The following POU6F2 variants were observed in gnomAD, a reference collection of about 807,000 sequenced individuals.
The protein encoded by POU6F2 is POU class 6 homeobox 2, also known as POU domain, class 6, transcription factor 2.
In POU6F2, 31 loss-of-function variants were observed where a neutral mutation model predicts 71.3. The observed-to-expected ratio is 0.43, with a 90% CI of 0.33 to 0.59. The LOEUF (loss-of-function observed/expected upper bound fraction) is 0.59, where lower values mean the gene tolerates loss of function less well. Among genes scored for constraint, POU6F2 ranks in the 20% least tolerant of loss-of-function variants. The probability of loss-of-function intolerance (pLI) is 0.04; values close to 1 mark genes in which losing one functional copy is unlikely to be tolerated. For synonymous variants in POU6F2, 347 were observed against 355.7 expected (o/e 0.98, Z 0.27); for missense variants, 783 against 856.8 (o/e 0.91, Z 1.07).
chr7:39,233,983 A>G (rs146987430), intron 4 of POU6F2, among the ~76,000 whole-genome samples: 211 of 152,202 alleles, frequency 1.4e-3, no homozygotes, highest in African/African-American at 4.5e-3. Flanking sequence ...TCTGCTACCA[A>G]TAGTCATGTG....
intron 4 of POU6F2, among the ~76,000 whole-genome samples, chr7:39,279,644 C>G (rs1423012485): frequency 1.3e-5 from 2 of 152,204 alleles, no homozygotes; most frequent in Non-Finnish European, 2.9e-5. Context: ...GGTTTGCCAG[C>G]AATCTTTGGC....
In POU6F2 at chr7:39,324,230, G is replaced by A. The variant is rs143789725; in HGVS notation, c.599-15412G>A. On this transcript the variant is annotated intron_variant, in intron 4 of 9. Transcript: ENST00000518318. ...ATATGGAAACCATCTGAGGGGCAGA[G>A]TGAGACCTTTGTGGAGGTCACTAAT... is the stretch of plus-strand genomic sequence containing the variant. Among the ~76,000 whole-genome samples the A allele has an allele frequency of 1.8e-3, 272 of 152,302 alleles. 2 individuals carry two copies. Among genetic ancestry groups the A allele is most frequent in the African/African-American group, 5.7e-3 (236 of 41,556 alleles).
At chr7:39,163,963 G>A (rs939555539) in intron 2 of POU6F2, among the ~76,000 whole-genome samples, 5 of 152,158 alleles carry the variant, frequency 3.3e-5, no homozygotes, top group African/African-American at 1.2e-4. Context: ...AAGGGGAGAT[G>A]TTGTTCAAAG....
intron 1 of POU6F2, among the ~76,000 whole-genome samples, chr7:39,050,808 C>A (rs553748903): frequency 6.5e-4 from 99 of 152,220 alleles, no homozygotes; most frequent in African/African-American, 2.2e-3. Flanking sequence ...GCAGCCCAGG[C>A]AAAAATGCCA....
intron 6 of POU6F2, among the ~76,000 whole-genome samples, chr7:39,422,107 A>G (rs940943641): frequency 1.3e-5 from 2 of 152,252 alleles, no homozygotes; most frequent in Non-Finnish European, 2.9e-5. Context: ...AAAAGAAACC[A>G]TAGTTTAATT....
intron 8 of POU6F2, among the ~76,000 whole-genome samples, chr7:39,456,413 T>C (rs1788807092): frequency 6.6e-6 from 1 of 152,168 alleles, no homozygotes; most frequent in Non-Finnish European, 1.5e-5. Context: ...TATATATTCC[T>C]TAAGGAAGGG....
chr7:39,373,499 T>C (rs772881378), intron 5 of POU6F2: 15 of 456,554 alleles, frequency 3.3e-5, no homozygotes, highest in Non-Finnish European at 6.6e-5. Flanking sequence ...AGGAGGAGTA[T>C]GGACTAAGGG....
rs144794713 is a variant in POU6F2 at position 39,204,343 on chromosome 7, T to G, written c.369+17T>G. 185 of 1,589,132 alleles carry G rather than the reference T, an allele frequency of 1.2e-4. No homozygotes were observed. The East Asian group carries it at 3.8e-3, about 33-fold the overall frequency. On this transcript the variant is annotated intron_variant, in intron 3 of 9. Transcript: ENST00000518318. ...GGGCCACAGGTCAGTATCTCTCAACTGCTTTCCACTGGGCTGCATTTAGGA... is the reference window on the plus strand; with the variant it reads ...GGGCCACAGGTCAGTATCTCTCAACGGCTTTCCACTGGGCTGCATTTAGGA...
chr7:38,992,408 G>A (rs1389859120), intron 1 of POU6F2, among the ~76,000 whole-genome samples: 3 of 152,154 alleles, frequency 2.0e-5, no homozygotes, highest in Non-Finnish European at 4.4e-5. Context: ...TGCATAACAC[G>A]TTTAATTTAA....
intron 1 of POU6F2, among the ~76,000 whole-genome samples, chr7:39,045,730 A>C (rs1482304521): frequency 6.6e-6 from 1 of 151,668 alleles, no homozygotes; most frequent in Non-Finnish European, 1.5e-5. Flanking sequence ...CTCCACTCCT[A>C]CCCCTACCCC....
At chr7:39,462,796 A>G (rs1298844724) in intron 9 of POU6F2, among the ~76,000 whole-genome samples, 1 of 152,208 alleles carries the variant, frequency 6.6e-6, no homozygotes, top group Non-Finnish European at 1.5e-5. Flanking sequence ...AAAAATAAAC[A>G]AATAACCCTT....
At chr7:39,167,831 T>C (rs952367951) in intron 2 of POU6F2, among the ~76,000 whole-genome samples, 3 of 151,840 alleles carry the variant, frequency 2.0e-5, no homozygotes, top group African/African-American at 7.2e-5. Context: ...GTCTTCAAAG[T>C]TCATTTGTGC....
Position 39,460,792 on chromosome 7 carries a change from GT to G in POU6F2, c.1658+78del, listed in dbSNP as rs1562561444. 4 of 1,420,992 alleles carry G rather than the reference GT, an allele frequency of 2.8e-6. No individual in the cohort carries two copies. The highest frequency in any genetic ancestry group is 3.7e-6 in the Non-Finnish European group (4 of 1,078,832). The allele number at this position is 1,420,992 out of a possible 1,614,324, so 88.0% of individuals were successfully genotyped here. ...TGTCCTCGCGGTTCAGCTTTTCTTC[GT>G]CGGGTGGGCAAAGCTGGAGGGGCAG... On this transcript the variant is annotated intron_variant, in intron 9 of 9. Transcript: ENST00000518318. This position sits in a 1 kb window ranked among gnomAD's most constrained non-coding sequence, Gnocchi z 4.4.
intron 2 of POU6F2, among the ~76,000 whole-genome samples, chr7:39,130,641 TAG>T (rs999365063): frequency 3.8e-4 from 57 of 148,304 alleles, no homozygotes; most frequent in Non-Finnish European, 3.0e-4. Flanking sequence ...TGAATCATAA[TAG>T]AGTTTATTAC....
intron 2 of POU6F2, among the ~76,000 whole-genome samples, chr7:39,167,793 T>G (rs1241520900): frequency 6.6e-6 from 1 of 151,820 alleles, no homozygotes; most frequent in Non-Finnish European, 1.5e-5. Context: ...ATTATATATA[T>G]AGATATATTT....
chr7:39,336,244 G>A (rs1785774970), intron 4 of POU6F2, among the ~76,000 whole-genome samples: 1 of 152,096 alleles, frequency 6.6e-6, no homozygotes, highest in South Asian at 2.1e-4. Context: ...CATTTCCACT[G>A]TCTAGTTTCA....
chr7:39,126,352 G>A (rs946016127), intron 2 of POU6F2, among the ~76,000 whole-genome samples: 6 of 152,198 alleles, frequency 3.9e-5, no homozygotes, highest in African/African-American at 1.4e-4. Context: ...AGGTCCAACT[G>A]TGAGAAGGGC....
chr7:39,189,788 A>C (rs1472864021), intron 2 of POU6F2, among the ~76,000 whole-genome samples: 1 of 152,202 alleles, frequency 6.6e-6, no homozygotes, highest in Non-Finnish European at 1.5e-5. Context: ...AGAAAGCATC[A>C]TCCAATCCAG....
chr7:39,207,634 T>C lies in POU6F2; in HGVS notation c.598+14T>C. 4 of 1,608,420 alleles carry C rather than the reference T, an allele frequency of 2.5e-6. No homozygotes were observed. The East Asian group carries it at 6.7e-5, about 27-fold the overall frequency. On this transcript the variant is annotated intron_variant, in intron 4 of 9. Coordinates refer to ENST00000518318, the MANE Select transcript of POU6F2 (RefSeq NM_001370959.1). ...AAAATCTACAAGGTAATCCATAATG[T>C]CCATGCGCCACGTAAGGCTCTACCC...
Sources: gnomAD v4.1 joint callset for allele counts (sites outside exome capture counted in the v4.1 genomes callset) on GRCh38, gnomAD v4.1.1 for gene constraint, Gnocchi (gnomAD v3.1) non-coding constraint, MANE v1.5 for transcripts, NCBI Gene and HGNC (gene_info 2026-07-23, HGNC 2026-07-21) for gene names.